Variants in FARP1 observed in about 807,000 individuals in gnomAD.
FARP1 encodes FERM, ARHGEF and pleckstrin domain-containing protein 1.
In FARP1, 52 loss-of-function variants were observed where a neutral mutation model predicts 128.8. That is an observed-to-expected ratio of 0.40 (90% CI 0.32 to 0.51). FARP1 has a LOEUF of 0.51. Ranked by LOEUF, FARP1 falls within the 20% of genes least tolerant of loss-of-function variation. The pLI, the probability that FARP1 is intolerant of heterozygous loss-of-function variation, is 0.45. For synonymous variants in FARP1, 580 were observed against 551.8 expected, an observed-to-expected ratio of 1.05 and a Z score of -0.72; for missense variants, 1,333 against 1,367.9, an observed-to-expected ratio of 0.97 and a Z score of 0.40.
At chr13:98,153,467 T>TATGTATAATATATAATACATTATATAA in intron 1 of FARP1, among the ~76,000 whole-genome samples, 1 of 42,094 alleles carries the variant, frequency 2.4e-5, no homozygotes, top group Non-Finnish European at 9.1e-5. Context: ...ACATTATATA[T>TATGTATAATATATAATACATTATATAA]AAATATGTAT....
Position 98,435,600 on chromosome 13 carries a change from T to C in FARP1, c.2168T>C (p.Met723Thr). 1 of 1,613,714 alleles carries C rather than the reference T, an allele frequency of 6.2e-7. No individual in the cohort carries two copies. Among genetic ancestry groups the C allele is most frequent in the Non-Finnish European group, 8.5e-7 (1 of 1,179,762 alleles). The change falls in exon 19 of 27, where the codon ATG (methionine) becomes ACG (threonine). Residue 723 changes from methionine to threonine, a missense_variant. Around this residue, in one of 2 missense-constraint regions of FARP1, gnomAD observed 1,009 missense variants for 969.8 expected, o/e 1.04. Transcript: ENST00000319562. Reference protein sequence around the residue: ...CRAALAEITEMVAQLHGTMIK... With the variant: ...CRAALAEITETVAQLHGTMIK... ...GCCGCTTTGGCAGAGATCACGGAGATGGTGGCACAGCTCCACGGTACGATG... is the reference window on the plus strand; with the variant it reads ...GCCGCTTTGGCAGAGATCACGGAGACGGTGGCACAGCTCCACGGTACGATG...
intron 24 of FARP1, 101 bp downstream of exon 24, chr13:98,440,937 G>A (rs1892498596): frequency 8.0e-7 from 1 of 1,247,302 alleles, no homozygotes; most frequent in Non-Finnish European, 1.1e-6. Flanking sequence ...TGGGACTGTG[G>A]GTGGCCCCAC....
intron 1 of FARP1, among the ~76,000 whole-genome samples, chr13:98,195,349 C>T (rs1179416210): frequency 6.6e-6 from 1 of 152,142 alleles, no homozygotes; most frequent in African/African-American, 2.4e-5. Context: ...TGAGCATTTG[C>T]TTTGGGGAAT....
rs186540105 is a variant in FARP1, at chr13:98,147,439, A to C, written c.-24+3947A>C. Among the ~76,000 whole-genome samples, 778 of 152,336 alleles carry C rather than the reference A, an allele frequency of 5.1e-3. 12 individuals are homozygous for C. Among genetic ancestry groups the C allele is most frequent in the African/African-American group, 0.018 (759 of 41,568 alleles). On this transcript the variant is annotated intron_variant, in intron 1 of 26. Transcript: ENST00000319562. ...GTCATATTTGTTCACACATTAAAAA[A>C]AAGAAGAGCCTCAGGCCACACTAGA...
At chr13:98,161,906 A>T (rs147402544) in intron 1 of FARP1, among the ~76,000 whole-genome samples, 1 of 152,062 alleles carries the variant, frequency 6.6e-6, no homozygotes, top group Non-Finnish European at 1.5e-5. Flanking sequence ...CAGCCTCTTA[A>T]GTAGCTGGGA....
chr13:98,453,136 A>T lies in FARP1; in HGVS notation c.*4819A>T, dbSNP rs1893276649. 1 of 1,612,196 alleles carries T rather than the reference A, an allele frequency of 6.2e-7. No homozygotes were observed. Among genetic ancestry groups the T allele is most frequent in the Non-Finnish European group, 8.5e-7 (1 of 1,178,894 alleles). On this transcript the variant is annotated 3_prime_UTR_variant, in exon 27 of 27. Transcript: ENST00000319562. ...AAAAAAGGAGGAGGATGAAGAAGGA[A>T]AAAAGGAAAAACAAAACCCCAAATG...
At position 98,439,995 on chromosome 13, in the gene FARP1, A is replaced by G. The variant is rs1418904115; in HGVS notation, c.2468A>G (p.His823Arg). ...EESEDEWGVP[H>R]CLTLRGQRQS... ...AGCGAAGACGAGTGGGGGGTGCCCC[A>G]CTGCCTGACCCTCCGGGGCCAGCGG... The change falls in exon 22 of 27, where the codon CAC becomes CGC. Residue 823 changes from histidine to arginine, a missense_variant. Physicochemically the swap from His to Arg is conservative, Grantham distance 29. This residue lies in a region of FARP1 where 1,009 missense variants were observed against 969.8 expected (regional missense o/e 1.04). Transcript: ENST00000319562. 16 of 1,597,128 alleles carry G rather than the reference A, an allele frequency of 1.0e-5. No homozygotes were observed. The highest frequency in any genetic ancestry group is 1.2e-5 in the Non-Finnish European group (14 of 1,168,508).
chr13:98,272,927 G>T (rs911101851), intron 2 of FARP1, among the ~76,000 whole-genome samples: 4 of 152,198 alleles, frequency 2.6e-5, no homozygotes, highest in African/African-American at 7.2e-5. Flanking sequence ...CCACACTTGT[G>T]TTAATGGAAA....
intron 1 of FARP1, among the ~76,000 whole-genome samples, chr13:98,169,363 A>G (rs1401052165): frequency 6.6e-6 from 1 of 152,222 alleles, no homozygotes; most frequent in Non-Finnish European, 1.5e-5. Context: ...TTGTTTTGGT[A>G]GAACACATAC....
intron 2 of FARP1, among the ~76,000 whole-genome samples, chr13:98,316,202 C>T (rs1483937837): frequency 6.6e-6 from 1 of 152,122 alleles, no homozygotes; most frequent in African/African-American, 2.4e-5. Context: ...GAAGAGCTAC[C>T]GCCTTGGCTC....
At chr13:98,177,644 C>T (rs1878185137) in intron 1 of FARP1, among the ~76,000 whole-genome samples, 1 of 141,344 alleles carries the variant, frequency 7.1e-6, no homozygotes, top group African/African-American at 2.5e-5. Context: ...GAGACCCTGT[C>T]TCAAATTAAA....
At chr13:98,420,065 AC>A (rs1891535886) in intron 16 of FARP1, among the ~76,000 whole-genome samples, 2 of 152,080 alleles carry the variant, frequency 1.3e-5, no homozygotes, top group African/African-American at 4.8e-5. Context: ...GGGAGCCCGC[AC>A]CCTAGGGCTC....
chr13:98,163,325 G>T (rs939497373), intron 1 of FARP1, among the ~76,000 whole-genome samples: 8 of 152,142 alleles, frequency 5.3e-5, no homozygotes, highest in African/African-American at 1.9e-4. Flanking sequence ...CTTGGAGAAG[G>T]GTGGCAGGAG....
chr13:98,308,291 A>G (rs1444414519), intron 2 of FARP1, among the ~76,000 whole-genome samples: 2 of 152,154 alleles, frequency 1.3e-5, no homozygotes, highest in Admixed American at 6.5e-5. Flanking sequence ...TATTCAGTGA[A>G]TCGATTTCAA....
chr13:98,434,255 G>A (rs1241179233), intron 18 of FARP1: 1 of 151,964 alleles, frequency 6.6e-6, no homozygotes, highest in East Asian at 1.9e-4. Context: ...TCCTCTCAGA[G>A]CTCCCCACTA....
At chr13:98,413,034 T>C (rs1404062142) in intron 16 of FARP1, among the ~76,000 whole-genome samples, 1 of 152,142 alleles carries the variant, frequency 6.6e-6, no homozygotes, top group Non-Finnish European at 1.5e-5. Flanking sequence ...TCCCAGACTG[T>C]GGCATTCAAG....
At chr13:98,369,075 A>G (rs1281624935) in intron 5 of FARP1, among the ~76,000 whole-genome samples, 2 of 151,814 alleles carry the variant, frequency 1.3e-5, no homozygotes, top group East Asian at 1.9e-4. Context: ...ACAGGTGCCC[A>G]CCACCACACC....
rs56274534 is a variant in FARP1 at position 98,246,087 on chromosome 13, C to CTT, written c.171+32700_171+32701dup. Among the ~76,000 whole-genome samples the CTT allele has an allele frequency of 1.8e-3, 67 of 36,910 alleles. 2 individuals carry two copies. The highest frequency in any genetic ancestry group is 7.8e-3 in the East Asian group (7 of 896). The allele number at this position is 36,910 out of a possible 152,430, so 24.2% of individuals were successfully genotyped here. ...CCACTGCGCCCGGCCGAGATAAATTCTTTTTTTTTTTTTTTTTTTTTTTTT... is the reference window on the plus strand; with the variant it reads ...CCACTGCGCCCGGCCGAGATAAATTCTTTTTTTTTTTTTTTTTTTTTTTTTTT... On this transcript the variant is annotated intron_variant, in intron 2 of 26. Coordinates refer to ENST00000319562, the MANE Select transcript of FARP1 (RefSeq NM_005766.4).
chr13:98,277,148 A>C (rs78834665), intron 2 of FARP1, among the ~76,000 whole-genome samples: 109 of 138,606 alleles, frequency 7.9e-4, no homozygotes, highest in East Asian at 5.1e-3. Context: ...ACACACACAC[A>C]CCCCATATGT....
Sources: gnomAD v4.1 joint callset for allele counts (sites outside exome capture counted in the v4.1 genomes callset) on GRCh38, gnomAD v4.1.1 for gene constraint, gnomAD v4.1.1 regional missense constraint, MANE v1.5 for transcripts, NCBI Gene and HGNC (gene_info 2026-07-23, HGNC 2026-07-21) for gene names.